The following SLC43A2 variants were observed in gnomAD, a reference collection of about 807,000 sequenced individuals.
The protein encoded by SLC43A2 is large neutral amino acids transporter small subunit 4.
Under a neutral mutation model 63.2 loss-of-function variants are expected in SLC43A2, and 38 were observed. The ratio of observed to expected loss-of-function variants is 0.60; its 90% confidence interval spans 0.46 to 0.79. The LOEUF (loss-of-function observed/expected upper bound fraction) is 0.79. Ranked by LOEUF, SLC43A2 falls within the 30% of genes least tolerant of loss-of-function variation. SLC43A2 has a pLI of 0.00. For synonymous variants in SLC43A2, 322 were observed against 331.0 expected, an observed-to-expected ratio of 0.97 and a Z score of 0.30; for missense variants, 644 against 756.2, an observed-to-expected ratio of 0.85 and a Z score of 1.74.
At chr17:1,625,101 C>A (rs1428335520) in intron 2 of SLC43A2, among the ~76,000 whole-genome samples, 1 of 152,164 alleles carries the variant, frequency 6.6e-6, no homozygotes, top group Non-Finnish European at 1.5e-5. Context: ...CTGCCCTCAC[C>A]AGGGGGACGA....
chr17:1,575,366 G>C lies in SLC43A2; in HGVS notation c.*238C>G, dbSNP rs866055624. Reference sequence around the variant, plus strand: ...CAGAGACCCCAGGCCCCGGGTCCCCGGGGGGCGGCAGAGCAAAGTCAGGGC... The same window carrying C: ...CAGAGACCCCAGGCCCCGGGTCCCCCGGGGGCGGCAGAGCAAAGTCAGGGC... On this transcript the variant is annotated 3_prime_UTR_variant, in exon 14 of 14. Transcript: ENST00000301335. The C allele has an allele frequency of 1.4e-5, 8 of 559,952 alleles. No individual in the cohort carries two copies. The highest frequency in any genetic ancestry group is 2.2e-5 in the Non-Finnish European group (7 of 320,422). The allele number at this position is 559,952 out of a possible 1,614,324, so 34.7% of individuals were successfully genotyped here. A position where few individuals can be genotyped will look rare whatever the true frequency, so the allele number is the denominator to read the frequency against.
chr17:1,606,618 G>A lies in SLC43A2; in HGVS notation c.501+6577C>T, dbSNP rs1007602659. On this transcript the variant is annotated intron_variant, in intron 5 of 13. Coordinates refer to ENST00000301335, the MANE Select transcript of SLC43A2 (RefSeq NM_152346.3). The surrounding 1 kb of genome is among the most constrained non-coding windows in gnomAD (Gnocchi z 4.7). The stretch of plus-strand genomic sequence containing the variant: ...TTGGAGGGTGGCGACCCCAAGATGC[G>A]GCCTCAGCCGCCGGCCGTGTTTGTG... Among the ~76,000 whole-genome samples the A allele has an allele frequency of 6.6e-6, 1 of 152,198 alleles. No homozygotes were observed. Among genetic ancestry groups the A allele is most frequent in the Non-Finnish European group, 1.5e-5 (1 of 68,014 alleles).
rs771848686 is a variant in SLC43A2 at position 1,599,210 on chromosome 17, T to G, written c.502-5931A>C. Among the ~76,000 whole-genome samples, 41 of 151,518 alleles carry G rather than the reference T, an allele frequency of 2.7e-4. 1 individual carries two copies. Among genetic ancestry groups the G allele is most frequent in the South Asian group, 4.2e-4 (2 of 4,782 alleles). ...CAAAAATTAGCCGGGTGTGGCGGCG[T>G]GCACCTGTAGTCCCAGGTACTTGGG... On this transcript the variant is annotated intron_variant, in intron 5 of 13. Transcript: ENST00000301335.
At chr17:1,592,391 C>T (rs1040415214) in intron 6 of SLC43A2, among the ~76,000 whole-genome samples, 2 of 152,244 alleles carry the variant, frequency 1.3e-5, no homozygotes, top group Admixed American at 1.3e-4. Context: ...CGTGCTGCTG[C>T]ACTCCAACCT....
chr17:1,586,870 G>A, intron 9 of SLC43A2: 2 of 1,474,132 alleles, frequency 1.4e-6, no homozygotes, highest in Non-Finnish European at 1.8e-6. Flanking sequence ...TTGAGGTGAG[G>A]AGCTTCTGGG....
rs894052387 is a variant in SLC43A2, at chr17:1,606,039, G to A, written c.501+7156C>T. Reference sequence around the variant, plus strand: ...ACCAATGGCAAGTAGCTGACTGCCTGAGCTTCCCCAAGGTACAGGACAGAA... The same window carrying A: ...ACCAATGGCAAGTAGCTGACTGCCTAAGCTTCCCCAAGGTACAGGACAGAA... On this transcript the variant is annotated intron_variant, in intron 5 of 13. Transcript: ENST00000301335. The surrounding 1 kb of genome is among the most constrained non-coding windows in gnomAD (Gnocchi z 4.7). Among the ~76,000 whole-genome samples, 5 of 152,180 alleles carry A rather than the reference G, an allele frequency of 3.3e-5. No homozygotes were observed. The highest frequency in any genetic ancestry group is 1.9e-4 in the East Asian group (1 of 5,192).
intron 2 of SLC43A2, among the ~76,000 whole-genome samples, chr17:1,621,722 G>A (rs1366841528): frequency 2.0e-5 from 3 of 152,218 alleles, no homozygotes; most frequent in African/African-American, 7.2e-5. Context: ...CCCGAGGGAT[G>A]CTCAGAGCAG....
intron 2 of SLC43A2, among the ~76,000 whole-genome samples, chr17:1,618,542 A>G (rs1195396213): frequency 6.6e-6 from 1 of 152,250 alleles, no homozygotes; most frequent in Non-Finnish European, 1.5e-5. Context: ...TGGGGAGCAC[A>G]GTCCCGTCAG....
At chr17:1,594,803 T>A (rs557204176) in intron 5 of SLC43A2, among the ~76,000 whole-genome samples, 1 of 151,662 alleles carries the variant, frequency 6.6e-6, no homozygotes, top group Non-Finnish European at 1.5e-5. Flanking sequence ...TTAGCCAGGA[T>A]GGTCTGGATC....
chr17:1,598,424 A>G (rs975661094), intron 5 of SLC43A2, among the ~76,000 whole-genome samples: 2 of 151,864 alleles, frequency 1.3e-5, no homozygotes, highest in Non-Finnish European at 2.9e-5. Context: ...CTGTCTCAAA[A>G]AAAAAAAAAA....
In SLC43A2 at chr17:1,583,311, C is replaced by A; in HGVS notation, c.1243G>T (p.Asp415Tyr). The A allele has an allele frequency of 6.2e-7, 1 of 1,614,158 alleles. No homozygotes were observed. The highest frequency in any genetic ancestry group is 8.5e-7 in the Non-Finnish European group (1 of 1,180,026). The change falls in exon 11 of 14, where the codon GAC becomes TAC. Residue 415 changes from aspartate to tyrosine, a missense_variant. Physicochemically the swap from Asp to Tyr is radical, Grantham distance 160. This residue lies in a region of SLC43A2 where 528 missense variants were observed against 623.6 expected (regional missense o/e 0.85). Transcript: ENST00000301335. This position sits in a 1 kb window ranked among gnomAD's most constrained non-coding sequence, Gnocchi z 5.5. ...TTAGTGATCTTCTGGATCTGCCGGTCCCGCTTCTTCTTTTTCTTCTCGCCT... is the reference window on the plus strand; with the variant it reads ...TTAGTGATCTTCTGGATCTGCCGGTACCGCTTCTTCTTTTTCTTCTCGCCT... Reference protein sequence around the residue: ...NQGEKKKKKRDRQIQKITNAM... With the variant: ...NQGEKKKKKRYRQIQKITNAM...
intron 2 of SLC43A2, among the ~76,000 whole-genome samples, chr17:1,622,014 C>T (rs1242627624): frequency 6.6e-6 from 1 of 152,202 alleles, no homozygotes; most frequent in East Asian, 1.9e-4. Flanking sequence ...TGGACAGGAC[C>T]TTCATGGACA....
intron 13 of SLC43A2, among the ~76,000 whole-genome samples, chr17:1,576,105 A>G (rs2075925757): frequency 7.6e-6 from 1 of 131,348 alleles, no homozygotes; most frequent in Non-Finnish European, 1.6e-5. Context: ...TTTTGAGACG[A>G]AGTCTCGCGC....
Position 1,583,759 on chromosome 17 carries a change from G to A in SLC43A2, c.1218-423C>T, listed in dbSNP as rs1471192552. The A allele has an allele frequency of 5.4e-6, 1 of 183,844 alleles. No individual in the cohort carries two copies. Among genetic ancestry groups the A allele is most frequent in the African/African-American group, 2.3e-5 (1 of 42,906 alleles). 11.4% of individuals were successfully genotyped at this position (183,844 alleles called of 1,614,324 possible). Reference sequence around the variant, plus strand: ...TAGGGGAGTGAATGGGTTTCCCCTTGTGGGGACAGGAGAGGGTAAAGGGGA... The same window carrying A: ...TAGGGGAGTGAATGGGTTTCCCCTTATGGGGACAGGAGAGGGTAAAGGGGA... On this transcript the variant is annotated intron_variant, in intron 10 of 13. Transcript: ENST00000301335. The surrounding 1 kb of genome is among the most constrained non-coding windows in gnomAD (Gnocchi z 5.5).
rs547812147 is a variant in SLC43A2, at chr17:1,606,015, C to A, written c.501+7180G>T. On this transcript the variant is annotated intron_variant, in intron 5 of 13. Transcript: ENST00000301335. This position sits in a 1 kb window ranked among gnomAD's most constrained non-coding sequence, Gnocchi z 4.7. ...CCTCAGATGGCAAATTCTCCCCAAA[C>A]CAATGGCAAGTAGCTGACTGCCTGA... is the stretch of plus-strand genomic sequence containing the variant. 6.6e-6 allele frequency among the ~76,000 whole-genome samples: 1 copy of A among 152,308 alleles called. No individual in the cohort carries two copies. The highest frequency in any genetic ancestry group is 1.9e-4 in the East Asian group (1 of 5,176).
intron 5 of SLC43A2, among the ~76,000 whole-genome samples, chr17:1,600,182 G>C (rs1178348647): frequency 1.2e-5 from 1 of 80,300 alleles, no homozygotes; most frequent in African/African-American, 5.0e-5. Context: ...ACGGAGTCTG[G>C]CTCTGTCACC....
In SLC43A2 at chr17:1,583,058, A is replaced by G. The variant is rs2076044761; in HGVS notation, c.1350+146T>C. On this transcript the variant is annotated intron_variant, in intron 11 of 13. Transcript: ENST00000301335. The surrounding 1 kb of genome is among the most constrained non-coding windows in gnomAD (Gnocchi z 5.5). ...CACACCACTGCACTCCAGCCTGAGCAACAGAGTTTGACTCTGTCTCAAAAA... is the reference window on the plus strand; with the variant it reads ...CACACCACTGCACTCCAGCCTGAGCGACAGAGTTTGACTCTGTCTCAAAAA... The G allele has an allele frequency of 1.1e-6, 1 of 886,988 alleles. No homozygotes were observed. The allele number at this position is 886,988 out of a possible 1,614,324, so 54.9% of individuals were successfully genotyped here. A position where few individuals can be genotyped will look rare whatever the true frequency, so the allele number is the denominator to read the frequency against.
Position 1,627,716 on chromosome 17 carries a change from T to C in SLC43A2, c.159A>G (p.Pro53=). The C allele has an allele frequency of 7.8e-7, 1 of 1,285,350 alleles. No individual in the cohort carries two copies. Among genetic ancestry groups the C allele is most frequent in the Non-Finnish European group, 1.0e-6 (1 of 988,190 alleles). The allele number at this position is 1,285,350 out of a possible 1,614,324, so 79.6% of individuals were successfully genotyped here. A position where few individuals can be genotyped will look rare whatever the true frequency, so the allele number is the denominator to read the frequency against. Residue 53 remains proline, a splice_region_variant and synonymous_variant, in exon 2 of 14, where the codon CCA becomes CCG. Coordinates refer to ENST00000301335, the MANE Select transcript of SLC43A2 (RefSeq NM_152346.3). ...EGFYSYLCTE[P]ENVTNGTVGG... is the part of the protein sequence containing the mutation. ...CGCAACCCCAGGCGCTTGTCTCACCTGGCTCGGTACACAGGTAGGAGTAAA... is the reference window on the plus strand; with the variant it reads ...CGCAACCCCAGGCGCTTGTCTCACCCGGCTCGGTACACAGGTAGGAGTAAA...
intron 4 of SLC43A2, among the ~76,000 whole-genome samples, chr17:1,613,584 C>T (rs1907322684): frequency 6.6e-6 from 1 of 152,204 alleles, no homozygotes. Context: ...TCCCAAGTAG[C>T]CGGGATTACA....
Sources: gnomAD v4.1 joint callset for allele counts (sites outside exome capture counted in the v4.1 genomes callset) on GRCh38, gnomAD v4.1.1 for gene constraint, gnomAD v4.1.1 regional missense constraint, Gnocchi (gnomAD v3.1) non-coding constraint, MANE v1.5 for transcripts, NCBI Gene and HGNC (gene_info 2026-07-23, HGNC 2026-07-21) for gene names.